Variants in CAMTA1 observed in about 807,000 individuals in gnomAD.
The protein encoded by CAMTA1 is calmodulin binding transcription activator 1.
Under a neutral mutation model 170.9 loss-of-function variants are expected in CAMTA1, and 27 were observed. That is an observed-to-expected ratio of 0.16 (90% CI 0.12 to 0.22). CAMTA1 has a LOEUF of 0.22. Ranked by LOEUF, CAMTA1 falls within the 10% of genes least tolerant of loss-of-function variation. CAMTA1 has a pLI of 1.00. For missense variants in CAMTA1, 1,619 were observed against 2,217.2 expected (o/e 0.73, Z 5.42); for synonymous variants, 833 against 891.5 (o/e 0.93, Z 1.17).
chr1:7,659,033 C>A (rs989733365), intron 7 of CAMTA1, among the ~76,000 whole-genome samples: 1 of 152,214 alleles, frequency 6.6e-6, no homozygotes, highest in African/African-American at 2.4e-5. Flanking sequence ...TAGTGACCCA[C>A]CAGAATCCCA....
chr1:6,847,707 C>T (rs1314922302), intron 3 of CAMTA1, among the ~76,000 whole-genome samples: 8 of 138,064 alleles, frequency 5.8e-5, no homozygotes, highest in Admixed American at 1.4e-4. Context: ...CCCCAGCTAA[C>T]TTTTTTTTTT....
At chr1:7,751,684 C>G (rs190735339) in intron 20 of CAMTA1, among the ~76,000 whole-genome samples, 1 of 150,000 alleles carries the variant, frequency 6.7e-6, no homozygotes, top group Admixed American at 6.7e-5. Flanking sequence ...AAAGTTACCA[C>G]TCAATTATAG....
In CAMTA1 at chr1:7,766,484, G is replaced by A. The variant is rs2097025840; in HGVS notation, c.5015G>A (p.Gly1672Glu). Residue 1672 changes from glycine (G) to glutamate (E), a missense_variant, in exon 23 of 23, where the codon GGA becomes GAA. Gly to Glu is a moderately conservative substitution (Grantham distance 98). Coordinates refer to ENST00000303635, the MANE Select transcript of CAMTA1 (RefSeq NM_015215.4). The stretch of plus-strand genomic sequence containing the variant: ...AGTGAAAGAATTGAAAAAGGCCAAG[G>A]AACTTGAAGACATACAGCAGCATCC... ...KRSERIEKGQ[G>E]T 7 of 1,613,944 alleles carry A rather than the reference G, an allele frequency of 4.3e-6. No homozygotes were observed. Among genetic ancestry groups the A allele is most frequent in the Non-Finnish European group, 5.9e-6 (7 of 1,179,986 alleles).
At chr1:7,453,987 G>T (rs569820957) in intron 5 of CAMTA1, among the ~76,000 whole-genome samples, 5 of 152,358 alleles carry the variant, frequency 3.3e-5, no homozygotes, top group East Asian at 1.9e-4. Flanking sequence ...GAATTTCAGG[G>T]GAGACCTGAG....
chr1:7,121,957 G>A (rs988337813), intron 4 of CAMTA1, among the ~76,000 whole-genome samples: 1 of 151,966 alleles, frequency 6.6e-6, no homozygotes, highest in Non-Finnish European at 1.5e-5. Context: ...CCTTCTCCTT[G>A]GGGCTCCTAT....
At chr1:7,378,809 A>G (rs1036039854) in intron 5 of CAMTA1, among the ~76,000 whole-genome samples, 2 of 152,028 alleles carry the variant, frequency 1.3e-5, no homozygotes, top group African/African-American at 4.8e-5. Context: ...GCACTAAACT[A>G]TGGGGCTGGT....
rs909128385 is a variant in CAMTA1, at chr1:6,887,022, T to C, written c.234+61812T>C. Among the ~76,000 whole-genome samples, 2 of 152,182 alleles carry C rather than the reference T, an allele frequency of 1.3e-5. No homozygotes were observed. Among genetic ancestry groups the C allele is most frequent in the African/African-American group, 4.8e-5 (2 of 41,448 alleles). The stretch of plus-strand genomic sequence containing the variant: ...AAGTAACAATGGGAAGTGCTGGAAA[T>C]GGAATTTAAGAAGTCCACCTTCTTA... On this transcript the variant is annotated intron_variant, in intron 3 of 22. Coordinates refer to ENST00000303635, the MANE Select transcript of CAMTA1 (RefSeq NM_015215.4). This position sits in a 1 kb window ranked among gnomAD's most constrained non-coding sequence, Gnocchi z 4.1.
chr1:7,353,311 C>G (rs571879099), intron 5 of CAMTA1, among the ~76,000 whole-genome samples: 2 of 152,334 alleles, frequency 1.3e-5, no homozygotes, highest in East Asian at 3.9e-4. Context: ...ACTCTAACCT[C>G]TCACCTGAAC....
At chr1:7,755,708 C>T in intron 22 of CAMTA1, 40 bp downstream of exon 22, 1 of 1,598,714 alleles carries the variant, frequency 6.3e-7, no homozygotes, top group Non-Finnish European at 8.6e-7. Flanking sequence ...TCTTCTCTTC[C>T]ATTTTCAGTA....
chr1:7,110,623 T>G (rs890562220), intron 4 of CAMTA1, among the ~76,000 whole-genome samples: 2 of 152,232 alleles, frequency 1.3e-5, no homozygotes, highest in Non-Finnish European at 2.9e-5. Context: ...AGACAGCTGC[T>G]GCTCACTTAG....
At position 7,426,290 on chromosome 1, in the gene CAMTA1, G is replaced by A. The variant is rs1339352644; in HGVS notation, c.439-41540G>A. On this transcript the variant is annotated intron_variant, in intron 5 of 22. Transcript: ENST00000303635. The surrounding 1 kb of genome is among the most constrained non-coding windows in gnomAD (Gnocchi z 4.8). Reference sequence around the variant, plus strand: ...TCAGAGCATCCTCACTAGCATTTCTGTAGCCCCTCAGAGTCCTAGGGTGCC... The same window carrying A: ...TCAGAGCATCCTCACTAGCATTTCTATAGCCCCTCAGAGTCCTAGGGTGCC... 6.6e-6 allele frequency among the ~76,000 whole-genome samples: 1 copy of A among 152,084 alleles called. No homozygotes were observed. Among genetic ancestry groups the A allele is most frequent in the Non-Finnish European group, 1.5e-5 (1 of 68,036 alleles).
At chr1:6,801,505 A>G (rs1643832472) in intron 1 of CAMTA1, among the ~76,000 whole-genome samples, 1 of 152,152 alleles carries the variant, frequency 6.6e-6, no homozygotes, top group Admixed American at 6.5e-5. Context: ...TGATGAGGGA[A>G]CATAAACACT....
At chr1:6,831,976 T>C (rs1650407002) in intron 3 of CAMTA1, among the ~76,000 whole-genome samples, 1 of 152,214 alleles carries the variant, frequency 6.6e-6, no homozygotes, top group African/African-American at 2.4e-5. Context: ...TGAGTACTTT[T>C]TCCCCCTAAC....
Position 7,547,348 on chromosome 1 carries a change from G to GCACACACA in CAMTA1, c.510+79482_510+79489dup, listed in dbSNP as rs3222190. ...GAGCTGGGGAATATATGTATCATATGCACACACACACACACACACACACAC... is the reference window on the plus strand; with the variant it reads ...GAGCTGGGGAATATATGTATCATATGCACACACACACACACACACACACACACACACAC... On this transcript the variant is annotated intron_variant, in intron 6 of 22. Coordinates refer to ENST00000303635, the MANE Select transcript of CAMTA1 (RefSeq NM_015215.4). This position sits in a 1 kb window ranked among gnomAD's most constrained non-coding sequence, Gnocchi z 5.7. Among the ~76,000 whole-genome samples, 284 of 144,102 alleles carry GCACACACA rather than the reference G, an allele frequency of 2.0e-3. No homozygotes were observed. Among genetic ancestry groups the GCACACACA allele is most frequent in the African/African-American group, 5.6e-3 (213 of 38,306 alleles). The allele number at this position is 144,102 out of a possible 152,430, so 94.5% of individuals were successfully genotyped here. A position where few individuals can be genotyped will look rare whatever the true frequency, so the allele number is the denominator to read the frequency against.
chr1:7,664,052 G>T lies in CAMTA1; in HGVS notation c.1505G>T (p.Gly502Val). Residue 502 changes from glycine (G) to valine (V), a missense_variant, in exon 9 of 23, where the codon GGC becomes GTC. Transcript: ENST00000303635. ...PKQGQTYGGG[G>V]LKAEMVSSNI... Reference sequence around the variant, plus strand: ...CAGGGCCAGACGTACGGGGGTGGAGGCCTGAAAGCCGAGATGGTCAGCTCC... The same window carrying T: ...CAGGGCCAGACGTACGGGGGTGGAGTCCTGAAAGCCGAGATGGTCAGCTCC... 3 of 1,613,788 alleles carry T rather than the reference G, an allele frequency of 1.9e-6. No homozygotes were observed. The highest frequency in any genetic ancestry group is 2.5e-6 in the Non-Finnish European group (3 of 1,180,040).
chr1:7,496,382 A>G (rs1473725533), intron 6 of CAMTA1, among the ~76,000 whole-genome samples: 1 of 152,138 alleles, frequency 6.6e-6, no homozygotes, highest in Non-Finnish European at 1.5e-5. Flanking sequence ...GGGTGAGGAC[A>G]TGAAGCCCCA....
At chr1:6,899,554 GCA>G (rs70984034) in intron 3 of CAMTA1, among the ~76,000 whole-genome samples, 34,276 of 140,918 alleles carry the variant, frequency 0.24, 4,024 homozygotes, top group East Asian at 0.36. Flanking sequence ...ACGCGCGCGC[GCA>G]CACACACACA....
At chr1:7,339,548 A>G (rs1217072553) in intron 5 of CAMTA1, among the ~76,000 whole-genome samples, 1 of 151,978 alleles carries the variant, frequency 6.6e-6, no homozygotes, top group East Asian at 1.9e-4. Context: ...TTCTCAAAGC[A>G]CGTTCATGCT....
chr1:7,579,552 C>CTTTTTTTTTTTTTTTTTTTTTTTTT (rs3034816), intron 6 of CAMTA1, among the ~76,000 whole-genome samples: 27 of 79,198 alleles, frequency 3.4e-4, no homozygotes, highest in African/African-American at 7.7e-4. Flanking sequence ...CTTTTCTTTT[C>CTTTTTTTTTTTTTTTTTTTTTTTTT]TTTTTTTTTT....
Sources: gnomAD v4.1 joint callset for allele counts (sites outside exome capture counted in the v4.1 genomes callset) on GRCh38, gnomAD v4.1.1 for gene constraint, Gnocchi (gnomAD v3.1) non-coding constraint, MANE v1.5 for transcripts, NCBI Gene and HGNC (gene_info 2026-07-23, HGNC 2026-07-21) for gene names.